ZBTB20: variants seen among roughly 807,000 people sequenced by gnomAD.
The protein encoded by ZBTB20 is zinc finger and BTB domain-containing protein 20.
A neutral mutation model predicts 56.9 loss-of-function variants in ZBTB20; 9 were observed. The observed-to-expected ratio is 0.16, with a 90% CI of 0.10 to 0.28. The LOEUF (loss-of-function observed/expected upper bound fraction) is 0.28, where lower values mean the gene tolerates loss of function less well. Ranked by LOEUF, ZBTB20 falls within the 10% of genes least tolerant of loss-of-function variation. The pLI, the probability that ZBTB20 is intolerant of heterozygous loss-of-function variation, is 1.00. For missense variants in ZBTB20, 655 were observed against 1,003.0 expected (o/e 0.65, Z 4.69); for synonymous variants, 417 against 420.7 (o/e 0.99, Z 0.11).
chr3:114,999,357 A>G lies in ZBTB20; in HGVS notation c.-506-24941T>C, dbSNP rs2079157685. 1.3e-5 allele frequency among the ~76,000 whole-genome samples: 2 copies of G among 151,646 alleles called. 1 individual carries two copies. The highest frequency in any genetic ancestry group is 4.1e-4 in the South Asian group (2 of 4,822). ...ACAGAAAGAATGGAAGGACAGAAAGATGGAAGAGAGGAAGGAAGGAACTTG... is the reference window on the plus strand; with the variant it reads ...ACAGAAAGAATGGAAGGACAGAAAGGTGGAAGAGAGGAAGGAAGGAACTTG... On this transcript the variant is annotated intron_variant, in intron 2 of 11. Transcript: ENST00000675478.
At chr3:114,376,129 A>T (rs554694586) in intron 10 of ZBTB20, among the ~76,000 whole-genome samples, 1 of 152,374 alleles carries the variant, frequency 6.6e-6, no homozygotes, top group East Asian at 1.9e-4. Flanking sequence ...CCGTGTGCAC[A>T]TGTAGAGCTA....
intron 7 of ZBTB20, among the ~76,000 whole-genome samples, chr3:114,417,464 G>A (rs2088684623): frequency 6.6e-6 from 1 of 152,062 alleles, no homozygotes; most frequent in Non-Finnish European, 1.5e-5. Context: ...CACAGTCTAT[G>A]AAACCACATT....
intron 3 of ZBTB20, among the ~76,000 whole-genome samples, chr3:114,922,566 G>A (rs957581285): frequency 1.3e-5 from 2 of 152,176 alleles, no homozygotes; most frequent in African/African-American, 4.8e-5. Flanking sequence ...ATCCATCTTA[G>A]TCTGTGGGCA....
intron 3 of ZBTB20, among the ~76,000 whole-genome samples, chr3:114,968,313 A>G (rs2077733787): frequency 6.6e-6 from 1 of 152,232 alleles, no homozygotes; most frequent in Non-Finnish European, 1.5e-5. Context: ...AAACCTTATA[A>G]TTTACAGTTT....
chr3:114,497,391 C>T (rs1253611815), intron 7 of ZBTB20, among the ~76,000 whole-genome samples: 1 of 152,168 alleles, frequency 6.6e-6, no homozygotes, highest in African/African-American at 2.4e-5. Flanking sequence ...TGCTTTCCAG[C>T]CCAATCTCAT....
At chr3:114,900,065 T>C (rs2075046382) in intron 4 of ZBTB20, among the ~76,000 whole-genome samples, 1 of 152,196 alleles carries the variant, frequency 6.6e-6, no homozygotes, top group Admixed American at 6.6e-5. Flanking sequence ...GATGAATGCT[T>C]TGTAATTAAA....
At chr3:114,750,070 C>CA (rs1221178650) in intron 5 of ZBTB20, among the ~76,000 whole-genome samples, 3 of 152,158 alleles carry the variant, frequency 2.0e-5, no homozygotes, top group Non-Finnish European at 2.9e-5. Context: ...TCCCAAAGGT[C>CA]AAGCTAGCTT....
intron 10 of ZBTB20, among the ~76,000 whole-genome samples, chr3:114,377,632 C>T (rs1267429553): frequency 6.6e-6 from 1 of 152,182 alleles, no homozygotes; most frequent in African/African-American, 2.4e-5. Context: ...AGTAGTTGCA[C>T]ATTTTCAAGA....
chr3:115,099,360 T>C (rs1289241975), intron 1 of ZBTB20, among the ~76,000 whole-genome samples: 8 of 152,072 alleles, frequency 5.3e-5, no homozygotes, highest in African/African-American at 1.9e-4. Flanking sequence ...AACAGTAACA[T>C]ACTAAAAGGA....
At chr3:114,401,748 G>GA (rs2108705840) in intron 7 of ZBTB20, among the ~76,000 whole-genome samples, 1 of 151,662 alleles carries the variant, frequency 6.6e-6, no homozygotes, top group African/African-American at 2.4e-5. Context: ...GGTGGCTACT[G>GA]AAATAAAAAA....
chr3:114,908,147 A>G (rs1464161898), intron 3 of ZBTB20, among the ~76,000 whole-genome samples: 1 of 151,996 alleles, frequency 6.6e-6, no homozygotes, highest in East Asian at 1.9e-4. Context: ...ATTAAAATAT[A>G]AAGGTATACG....
intron 3 of ZBTB20, among the ~76,000 whole-genome samples, chr3:114,909,461 C>G (rs754764858): frequency 1.3e-5 from 2 of 151,870 alleles, no homozygotes; most frequent in Non-Finnish European, 2.9e-5. Context: ...AAATATGAAA[C>G]TTTTATAAAT....
At position 114,656,212 on chromosome 3, in the gene ZBTB20, A is replaced by G. The variant is rs182882173; in HGVS notation, c.-295+37316T>C. Among the ~76,000 whole-genome samples, 388 of 151,930 alleles carry G rather than the reference A, an allele frequency of 2.6e-3. 3 individuals are homozygous for G. Among genetic ancestry groups the G allele is most frequent in the Admixed American group, 6.3e-3 (97 of 15,284 alleles). On this transcript the variant is annotated intron_variant, in intron 6 of 11. Transcript: ENST00000675478. ...TTCCACCCTTAGGGCTGCCTTTGAG[A>G]TTTTTCTTTGTATCTTTGGTGTACA... is the stretch of plus-strand genomic sequence containing the variant.
chr3:114,729,131 C>T (rs2065530681), intron 5 of ZBTB20, among the ~76,000 whole-genome samples: 1 of 152,014 alleles, frequency 6.6e-6, no homozygotes, highest in Admixed American at 6.6e-5. Context: ...CAAGAGACAA[C>T]ACGGTCCCAT....
Position 114,389,607 on chromosome 3 carries a change from C to T in ZBTB20, c.-254-502G>A, listed in dbSNP as rs144284318. 6.7e-3 allele frequency among the ~76,000 whole-genome samples: 1,015 copies of T among 151,750 alleles called. 9 individuals are homozygous for T. Among genetic ancestry groups the T allele is most frequent in the African/African-American group, 0.023 (965 of 41,412 alleles). On this transcript the variant is annotated intron_variant, in intron 7 of 11. Transcript: ENST00000675478. The stretch of plus-strand genomic sequence containing the variant: ...TCAAACTAATTAAAATATGCATTAC[C>T]GGCTGGGTGTGCTGGCTCACACCTG...
At chr3:114,716,804 C>A (rs2108470958) in intron 5 of ZBTB20, among the ~76,000 whole-genome samples, 1 of 152,140 alleles carries the variant, frequency 6.6e-6, no homozygotes, top group Non-Finnish European at 1.5e-5. Flanking sequence ...CCCTTATGCA[C>A]TTGGTTCTGT....
chr3:114,769,244 C>T (rs530031894), intron 5 of ZBTB20, among the ~76,000 whole-genome samples: 1 of 151,970 alleles, frequency 6.6e-6, no homozygotes, highest in Non-Finnish European at 1.5e-5. Context: ...AGTAACAGCA[C>T]AAGTTGACAA....
At chr3:114,585,920 G>A (rs745893193) in intron 6 of ZBTB20, among the ~76,000 whole-genome samples, 3 of 152,308 alleles carry the variant, frequency 2.0e-5, no homozygotes, top group East Asian at 1.9e-4. Flanking sequence ...GCTTTAGCTC[G>A]GAGGAAGGCT....
chr3:114,508,008 CAATT>C (rs1325780250), intron 6 of ZBTB20, among the ~76,000 whole-genome samples: 3 of 152,084 alleles, frequency 2.0e-5, no homozygotes, highest in Non-Finnish European at 4.4e-5. Context: ...AACAGTCTAA[CAATT>C]AATTCTTTCA....
Sources: gnomAD v4.1 joint callset for allele counts (sites outside exome capture counted in the v4.1 genomes callset) on GRCh38, gnomAD v4.1.1 for gene constraint, MANE v1.5 for transcripts, NCBI Gene and HGNC (gene_info 2026-07-23, HGNC 2026-07-21) for gene names.